The following TRAPPC9 variants were observed in gnomAD, a reference collection of about 807,000 sequenced individuals.
TRAPPC9 encodes IKK2 binding protein.
Under a neutral mutation model 124.0 loss-of-function variants are expected in TRAPPC9, and 83 were observed. The ratio of observed to expected loss-of-function variants is 0.67; its 90% CI spans 0.56 to 0.80. TRAPPC9 has a LOEUF of 0.80. Among genes scored for constraint, TRAPPC9 ranks in the 30% least tolerant of loss-of-function variants. The pLI, the probability that TRAPPC9 is intolerant of heterozygous loss-of-function variation, is 0.00. For synonymous variants in TRAPPC9, 638 were observed against 617.5 expected, an observed-to-expected ratio of 1.03 and a Z score of -0.49; for missense variants, 1,302 against 1,508.3, an observed-to-expected ratio of 0.86 and a Z score of 2.27.
At chr8:140,416,973 A>G (rs1348588519) in intron 5 of TRAPPC9, among the ~76,000 whole-genome samples, 2 of 152,218 alleles carry the variant, frequency 1.3e-5, no homozygotes, top group Non-Finnish European at 2.9e-5. Context: ...TGAGGAAAAG[A>G]TTCCCTATTT....
chr8:139,925,174 C>G (rs7007790), intron 19 of TRAPPC9, among the ~76,000 whole-genome samples: 5,194 of 152,294 alleles, frequency 0.034, 291 homozygotes, highest in African/African-American at 0.12. Context: ...CACGGGGTGG[C>G]GGCGCCTCCC....
intron 16 of TRAPPC9, among the ~76,000 whole-genome samples, chr8:140,247,234 C>T (rs1475086715): frequency 6.6e-6 from 1 of 152,228 alleles, no homozygotes; most frequent in East Asian, 1.9e-4. Flanking sequence ...TTTAATTCTT[C>T]CAGTCTTGCG....
intron 15 of TRAPPC9, among the ~76,000 whole-genome samples, chr8:140,271,675 T>C (rs191755878): frequency 3.3e-5 from 5 of 152,250 alleles, no homozygotes; most frequent in African/African-American, 9.6e-5. Context: ...GAAAAGCAAA[T>C]TGAAACCCGA....
intron 21 of TRAPPC9, among the ~76,000 whole-genome samples, chr8:139,800,394 A>G (rs1329457400): frequency 1.3e-5 from 2 of 152,238 alleles, no homozygotes; most frequent in East Asian, 3.8e-4. Flanking sequence ...CTGTTGGAAG[A>G]GGACACACGT....
At chr8:140,169,024 C>T (rs560408576) in intron 17 of TRAPPC9, among the ~76,000 whole-genome samples, 2 of 150,778 alleles carry the variant, frequency 1.3e-5, no homozygotes, top group Non-Finnish European at 2.9e-5. Context: ...GGCTCGCGGT[C>T]CCCTGGAAGG....
intron 21 of TRAPPC9, among the ~76,000 whole-genome samples, chr8:139,741,507 G>C (rs1818558453): frequency 6.6e-6 from 1 of 152,132 alleles, no homozygotes; most frequent in Admixed American, 6.5e-5. Flanking sequence ...TTGTTTTCCA[G>C]TAGCTTTATC....
intron 17 of TRAPPC9, among the ~76,000 whole-genome samples, chr8:140,132,984 T>A (rs2061233760): frequency 6.6e-6 from 1 of 152,170 alleles, no homozygotes; most frequent in Admixed American, 6.5e-5. Flanking sequence ...TGACCCAACA[T>A]TTAAAGAATT....
chr8:139,818,573 C>T (rs1466526868), intron 21 of TRAPPC9, among the ~76,000 whole-genome samples: 1 of 150,382 alleles, frequency 6.6e-6, no homozygotes, highest in African/African-American at 2.5e-5. Flanking sequence ...AAGGCTCTGT[C>T]TCAAAAAAAA....
intron 21 of TRAPPC9, among the ~76,000 whole-genome samples, chr8:139,829,857 A>G (rs1013033168): frequency 6.6e-6 from 1 of 152,210 alleles, no homozygotes; most frequent in African/African-American, 2.4e-5. Context: ...ACAGAGGTCA[A>G]TGGCTGGCCA....
At chr8:140,171,918 T>A (rs912587417) in intron 17 of TRAPPC9, among the ~76,000 whole-genome samples, 5 of 152,118 alleles carry the variant, frequency 3.3e-5, no homozygotes, top group African/African-American at 1.2e-4. Flanking sequence ...AAGGGCTCTG[T>A]CTTGAGGAGT....
chr8:140,115,189 T>C (rs1259129773), intron 17 of TRAPPC9, among the ~76,000 whole-genome samples: 1 of 152,036 alleles, frequency 6.6e-6, no homozygotes, highest in African/African-American at 2.4e-5. Flanking sequence ...CTTACCCACA[T>C]CCTCCCATGT....
intron 17 of TRAPPC9, among the ~76,000 whole-genome samples, chr8:140,139,782 C>T (rs75137903): frequency 0.027 from 4,147 of 151,966 alleles, 185 homozygotes; most frequent in African/African-American, 0.093. Context: ...GCAGGGGCAC[C>T]GCAGGAGGCC....
intron 16 of TRAPPC9, among the ~76,000 whole-genome samples, chr8:140,227,688 T>A (rs1339122031): frequency 6.6e-6 from 1 of 151,620 alleles, no homozygotes; most frequent in Non-Finnish European, 1.5e-5. Context: ...AAAAGCAGAG[T>A]CACAATAAAA....
intron 2 of TRAPPC9, among the ~76,000 whole-genome samples, chr8:140,447,467 T>G (rs530911719): frequency 6.6e-6 from 1 of 151,494 alleles, no homozygotes; most frequent in South Asian, 2.1e-4. Flanking sequence ...CACAGGGCAG[T>G]ATGACAGAAA....
In TRAPPC9 at chr8:139,729,491, G is replaced by A. The variant is rs927264876; in HGVS notation, c.*1570C>T. ...CAGACCTTCTGGGGCTGCCTTCCCT[G>A]GGGAGCCTCGAGCAGATGCTGAATG... On this transcript the variant is annotated 3_prime_UTR_variant, in exon 23 of 23. Transcript: ENST00000438773. 6.6e-6 allele frequency among the ~76,000 whole-genome samples: 1 copy of A among 152,204 alleles called. No individual in the cohort carries two copies. The highest frequency in any genetic ancestry group is 2.4e-5 in the African/African-American group (1 of 41,454).
chr8:140,212,895 A>ACGG (rs1385448002), intron 17 of TRAPPC9, among the ~76,000 whole-genome samples: 7 of 67,910 alleles, frequency 1.0e-4, no homozygotes, highest in Non-Finnish European at 2.5e-4. Flanking sequence ...CCTGGCCAAC[A>ACGG]TGGTCTCTAC....
intron 17 of TRAPPC9, among the ~76,000 whole-genome samples, chr8:140,173,133 C>T (rs1369397263): frequency 1.3e-5 from 2 of 152,170 alleles, no homozygotes; most frequent in Admixed American, 6.5e-5. Flanking sequence ...GACGTATGCA[C>T]AACCCATTAA....
At chr8:139,856,346 A>ATT in intron 21 of TRAPPC9, among the ~76,000 whole-genome samples, 1 of 151,904 alleles carries the variant, frequency 6.6e-6, no homozygotes, top group African/African-American at 2.4e-5. Context: ...CTCTCCGGGG[A>ATT]TTTTTTCCTG....
At chr8:140,127,803 TA>T (rs1425963346) in intron 17 of TRAPPC9, among the ~76,000 whole-genome samples, 15 of 152,190 alleles carry the variant, frequency 9.9e-5, no homozygotes, top group Non-Finnish European at 2.1e-4. Context: ...ACCATGACAC[TA>T]AAAGTCTCAG....
Sources: gnomAD v4.1 joint callset for allele counts (sites outside exome capture counted in the v4.1 genomes callset) on GRCh38, gnomAD v4.1.1 for gene constraint, MANE v1.5 for transcripts, NCBI Gene and HGNC (gene_info 2026-07-23, HGNC 2026-07-21) for gene names.